The following MYO9A variants were observed in gnomAD, a reference collection of about 807,000 sequenced individuals.
MYO9A encodes unconventional myosin-IXa.
A neutral mutation model predicts 293.3 loss-of-function variants in MYO9A; 103 were observed. That is an observed-to-expected ratio of 0.35 (90% confidence interval 0.30 to 0.41). The LOEUF (loss-of-function observed/expected upper bound fraction) is 0.41, where lower values mean the gene tolerates loss of function less well. Among genes scored for constraint, MYO9A ranks in the 10% least tolerant of loss-of-function variants. The pLI is 1.00. For synonymous variants in MYO9A, 1,001 were observed against 1,035.7 expected (o/e 0.97, Z 0.64); for missense variants, 2,685 against 3,033.0 (o/e 0.89, Z 2.69).
At chr15:71,960,758 T>G (rs1596286689) in intron 13 of MYO9A, among the ~76,000 whole-genome samples, 2 of 152,284 alleles carry the variant, frequency 1.3e-5, no homozygotes, top group East Asian at 3.9e-4. Flanking sequence ...CTTGTTAAAC[T>G]CTGGTCAGGG....
At chr15:72,091,933 A>G (rs1430471462) in intron 1 of MYO9A, among the ~76,000 whole-genome samples, 1 of 152,032 alleles carries the variant, frequency 6.6e-6, no homozygotes, top group East Asian at 1.9e-4. Flanking sequence ...AGCCACGATG[A>G]TCTCGATCTC....
chr15:72,049,304 T>C (rs1432266314), intron 1 of MYO9A, among the ~76,000 whole-genome samples: 1 of 152,250 alleles, frequency 6.6e-6, no homozygotes, highest in Non-Finnish European at 1.5e-5. Context: ...ATATTTTTCT[T>C]ACAGATAGTC....
rs372047607 is a variant in MYO9A, at chr15:71,854,486, C to T, written c.6237G>A (p.Val2079=). 6.2e-7 allele frequency: 1 copy of T among 1,613,566 alleles called. No homozygotes were observed. The highest frequency in any genetic ancestry group is 8.5e-7 in the Non-Finnish European group (1 of 1,179,708). The stretch of plus-strand genomic sequence containing the variant: ...TTTCAATGTAGTTTATGAGCTTTTC[C>T]ACTACTAAAGGAACAGTTCGGTCTT... ...TSEDRTVPLV[V]EKLINYIEMH... is the part of the protein sequence containing the mutation. The change falls in exon 35 of 42, where the codon GTG becomes GTA. Residue 2079 remains valine, a synonymous_variant. Coordinates refer to ENST00000356056, the MANE Select transcript of MYO9A (RefSeq NM_006901.4).
chr15:71,825,455 T>C lies in MYO9A; in HGVS notation c.*1125A>G, dbSNP rs1165247558. The C allele has an allele frequency of 6.7e-6, 1 of 148,684 alleles. No homozygotes were observed. The highest frequency in any genetic ancestry group is 1.5e-5 in the Non-Finnish European group (1 of 66,588). 9.2% of individuals were successfully genotyped at this position (148,684 alleles called of 1,614,324 possible). A position where few individuals can be genotyped will look rare whatever the true frequency, so the allele number is the denominator to read the frequency against. Reference sequence around the variant, plus strand: ...TTTTCCATCTATTTAATACTGATAGTCTGAGAAAAGGAAGATAAAAGTTAG... The same window carrying C: ...TTTTCCATCTATTTAATACTGATAGCCTGAGAAAAGGAAGATAAAAGTTAG... On this transcript the variant is annotated 3_prime_UTR_variant, in exon 42 of 42. Transcript: ENST00000356056.
At chr15:71,865,620 G>GT (rs1352252151) in intron 32 of MYO9A, among the ~76,000 whole-genome samples, 2 of 152,146 alleles carry the variant, frequency 1.3e-5, no homozygotes, top group Non-Finnish European at 2.9e-5. Context: ...TACAGACAAA[G>GT]TAGACTGGTG....
intron 13 of MYO9A, among the ~76,000 whole-genome samples, chr15:71,961,524 A>C (rs1490899448): frequency 6.6e-6 from 1 of 152,078 alleles, no homozygotes; most frequent in Admixed American, 6.6e-5. Flanking sequence ...CTCATTTAAT[A>C]CTCCTAATAA....
At chr15:72,084,010 C>T (rs2079634117) in intron 1 of MYO9A, among the ~76,000 whole-genome samples, 1 of 152,072 alleles carries the variant, frequency 6.6e-6, no homozygotes, top group Non-Finnish European at 1.5e-5. Flanking sequence ...CTATTAGGTC[C>T]ATCTGATCCA....
Position 71,829,977 on chromosome 15 carries a change from A to C in MYO9A, c.7040+132T>G, listed in dbSNP as rs919033750. ...ATAGACAACACGTCTTTGTCATCTC[A>C]ACATCTCCTGTATCATCTGACACAG... On this transcript the variant is annotated intron_variant, in intron 40 of 41. Coordinates refer to ENST00000356056, the MANE Select transcript of MYO9A (RefSeq NM_006901.4). 4.7e-5 allele frequency: 47 copies of C among 989,854 alleles called. No individual in the cohort carries two copies. The African/African-American group carries it at 7.4e-4, about 16-fold the overall frequency. 61.3% of individuals were successfully genotyped at this position (989,854 alleles called of 1,614,324 possible). A position where few individuals can be genotyped will look rare whatever the true frequency, so the allele number is the denominator to read the frequency against.
At chr15:71,985,343 T>C (rs1431188660) in intron 11 of MYO9A, among the ~76,000 whole-genome samples, 1 of 152,226 alleles carries the variant, frequency 6.6e-6, no homozygotes, top group African/African-American at 2.4e-5. Context: ...ATTATAAAGA[T>C]AATTTTAGCA....
intron 15 of MYO9A, among the ~76,000 whole-genome samples, chr15:71,940,976 T>C (rs1555487559): frequency 2.7e-5 from 4 of 150,804 alleles, no homozygotes; most frequent in South Asian, 4.2e-4. Flanking sequence ...GGAGGAGGAG[T>C]AAATTTCTAG....
Position 71,919,757 on chromosome 15 carries a change from G to A in MYO9A, c.2563-3265C>T, listed in dbSNP as rs562571926. ...CTCGGGAGGCTGAGGCAGAAGAATC[G>A]CTTGAACCCAGGAGGCAGAGGTTGA... is the stretch of plus-strand genomic sequence containing the variant. On this transcript the variant is annotated intron_variant, in intron 18 of 41. Coordinates refer to ENST00000356056, the MANE Select transcript of MYO9A (RefSeq NM_006901.4). 1.0e-4 allele frequency among the ~76,000 whole-genome samples: 15 copies of A among 143,942 alleles called. 1 individual carries two copies. In the South Asian group the frequency reaches 3.3e-3, roughly 31 times the overall value. The allele number at this position is 143,942 out of a possible 152,430, so 94.4% of individuals were successfully genotyped here.
chr15:72,101,572 G>T, intron 1 of MYO9A, among the ~76,000 whole-genome samples: 1 of 129,700 alleles, frequency 7.7e-6, no homozygotes, highest in Non-Finnish European at 1.7e-5. Context: ...GGGCGCCTCT[G>T]CCCGGCCGCC....
intron 16 of MYO9A, among the ~76,000 whole-genome samples, chr15:71,938,010 T>C (rs1175722683): frequency 6.6e-6 from 1 of 152,150 alleles, no homozygotes; most frequent in Non-Finnish European, 1.5e-5. Context: ...ATAGCTTAAT[T>C]TGTGGCATTC....
intron 4 of MYO9A, among the ~76,000 whole-genome samples, chr15:72,026,478 C>G (rs1319389540): frequency 1.3e-5 from 2 of 151,148 alleles, no homozygotes; most frequent in Non-Finnish European, 2.9e-5. Flanking sequence ...GGGCTTTATA[C>G]CTGTAAACCC....
Position 72,025,940 on chromosome 15 carries a change from T to C in MYO9A, c.998+1791A>G, listed in dbSNP as rs28791192. Among the ~76,000 whole-genome samples, 932 of 152,140 alleles carry C rather than the reference T, an allele frequency of 6.1e-3. 11 individuals carry two copies. Among genetic ancestry groups the C allele is most frequent in the African/African-American group, 0.021 (869 of 41,504 alleles). ...AACAAGTCTCAATAATTTAAGGAGA[T>C]TGAAATCATACAACTACTCCAAACA... On this transcript the variant is annotated intron_variant, in intron 4 of 41. Coordinates refer to ENST00000356056, the MANE Select transcript of MYO9A (RefSeq NM_006901.4).
intron 15 of MYO9A, among the ~76,000 whole-genome samples, chr15:71,950,756 T>G (rs1567308236): frequency 2.0e-5 from 3 of 152,220 alleles, no homozygotes; most frequent in Non-Finnish European, 4.4e-5. Context: ...GAATTCTACT[T>G]ATATTCTCCT....
chr15:72,070,251 G>T (rs1047956435), intron 1 of MYO9A, among the ~76,000 whole-genome samples: 1 of 151,650 alleles, frequency 6.6e-6, no homozygotes, highest in African/African-American at 2.4e-5. Context: ...AGACCAGCCT[G>T]GCCAACATGG....
Position 71,827,931 on chromosome 15 carries a change from G to A in MYO9A, c.7136C>T (p.Ser2379Leu). The A allele has an allele frequency of 6.2e-7, 1 of 1,613,746 alleles. No individual in the cohort carries two copies. Among genetic ancestry groups the A allele is most frequent in the South Asian group, 1.1e-5 (1 of 91,032 alleles). Residue 2379 changes from serine (S) to leucine (L), a missense_variant, in exon 41 of 42, where the codon TCA becomes TTA. By Grantham distance (145) the Ser-to-Leu change is moderately radical (BLOSUM62 -2). This residue lies in a region of MYO9A where 350 missense variants were observed against 328.9 expected (regional missense o/e 1.06). Coordinates refer to ENST00000356056, the MANE Select transcript of MYO9A (RefSeq NM_006901.4). ...SEASIGTADS[S>L]ENLNMESEYA... The stretch of plus-strand genomic sequence containing the variant: ...TTCAGACTCCATATTCAAATTCTCT[G>A]AGCTATCAGCAGTCCCAATGGAGGC...
At chr15:72,044,120 G>A (rs761121884) in intron 2 of MYO9A, among the ~76,000 whole-genome samples, 22 of 151,388 alleles carry the variant, frequency 1.5e-4, no homozygotes, top group Non-Finnish European at 2.4e-4. Context: ...AAATGTTCAC[G>A]TATAGGCTGG....
Sources: allele counts gnomAD v4.1 joint callset (sites outside exome capture counted in the v4.1 genomes callset), GRCh38; gene constraint gnomAD v4.1.1; regional missense constraint gnomAD v4.1.1; transcripts MANE v1.5; gene names NCBI Gene and HGNC (gene_info 2026-07-23, HGNC 2026-07-21).